CELF5: variants seen among roughly 807,000 people sequenced by gnomAD.
The protein encoded by CELF5 is CUGBP Elav-like family member 5.
In CELF5, 6 loss-of-function variants were observed where a neutral mutation model predicts 54.9. The observed-to-expected ratio is 0.11, with a 90% CI of 0.06 to 0.22. The LOEUF is 0.22. Among genes scored for constraint, CELF5 ranks in the 10% least tolerant of loss-of-function variants. The pLI is 1.00. For synonymous variants in CELF5, 271 were observed against 290.9 expected, an observed-to-expected ratio of 0.93 and a Z score of 0.70; for missense variants, 401 against 678.6, an observed-to-expected ratio of 0.59 and a Z score of 4.54.
At chr19:3,289,779 T>C (rs2080313471) in intron 10 of CELF5, among the ~76,000 whole-genome samples, 1 of 150,684 alleles carries the variant, frequency 6.6e-6, no homozygotes, top group Non-Finnish European at 1.5e-5. Context: ...GAGACATTAT[T>C]ATTATTATTA....
chr19:3,276,005 C>T, intron 4 of CELF5, 21 bp downstream of exon 4: 3 of 701,580 alleles, frequency 4.3e-6, no homozygotes, highest in East Asian at 1.2e-4. Flanking sequence ...GGGGCCGGGG[C>T]GGGACTGCGA....
intron 2 of CELF5, among the ~76,000 whole-genome samples, chr19:3,253,658 A>G (rs1464656735): frequency 2.0e-5 from 3 of 152,218 alleles, no homozygotes; most frequent in Non-Finnish European, 4.4e-5. Flanking sequence ...GAGGAACTCA[A>G]GGAACAAACC....
intron 1 of CELF5, among the ~76,000 whole-genome samples, chr19:3,249,046 AC>A (rs2079611489): frequency 6.6e-6 from 1 of 150,460 alleles, no homozygotes; most frequent in African/African-American, 2.5e-5. Flanking sequence ...CGGATTCCCT[AC>A]CCCCTCCCCA....
intron 8 of CELF5, among the ~76,000 whole-genome samples, chr19:3,283,531 G>A (rs2080185296): frequency 1.3e-5 from 2 of 151,912 alleles, no homozygotes; most frequent in South Asian, 2.1e-4. Context: ...TTAAATTTTT[G>A]TACAGACGGG....
intron 9 of CELF5, among the ~76,000 whole-genome samples, chr19:3,285,519 CT>C (rs1202644443): frequency 6.6e-6 from 1 of 150,746 alleles, no homozygotes; most frequent in Non-Finnish European, 1.5e-5. Context: ...CACTCATGCC[CT>C]TCATCCCAGT....
Position 3,278,110 on chromosome 19 carries a change from G to A in CELF5, c.603G>A (p.Pro201=), listed in dbSNP as rs375531806. Residue 201 remains proline, a splice_region_variant and synonymous_variant, in exon 5 of 13, where the codon CCG becomes CCA. Coordinates refer to ENST00000292672, the MANE Select transcript of CELF5 (RefSeq NM_021938.4). The surrounding 1 kb of genome is among the most constrained non-coding windows in gnomAD (Gnocchi z 4.5). ...CCTTGCATGGGAGCCAGACCATGCC[G>A]GTGAGTTGGAGCTGCCCTTGGCCGT... ...IHALHGSQTM[P]GASSSLVVKF... 11 of 1,607,246 alleles carry A rather than the reference G, an allele frequency of 6.8e-6. No individual in the cohort carries two copies. Among genetic ancestry groups the A allele is most frequent in the Admixed American group, 1.7e-5 (1 of 59,984 alleles).
chr19:3,235,313 C>CTT (rs369401628), intron 1 of CELF5, among the ~76,000 whole-genome samples: 2 of 148,694 alleles, frequency 1.3e-5, no homozygotes, highest in African/African-American at 4.9e-5. Context: ...TCCTCCTTTC[C>CTT]TTTTTTTTTT....
intron 5 of CELF5, among the ~76,000 whole-genome samples, chr19:3,279,687 T>TG (rs139046536): frequency 1 from 152,101 of 152,104 alleles, 76,049 homozygotes; most frequent in Middle Eastern, 1. Flanking sequence ...AATGGCCTCC[T>TG]GGCCCCTGCC....
intron 2 of CELF5, among the ~76,000 whole-genome samples, chr19:3,260,445 G>A (rs917576822): frequency 6.6e-6 from 1 of 151,026 alleles, no homozygotes; most frequent in African/African-American, 2.4e-5. Flanking sequence ...CTAAATATAT[G>A]TATGTATTTT....
At chr19:3,286,183 G>A (rs2080245707) in intron 10 of CELF5, 158 bp downstream of exon 10, 2 of 557,714 alleles carry the variant, frequency 3.6e-6, no homozygotes, top group Admixed American at 8.1e-5. Context: ...TGCAGCCGCT[G>A]ACCCCTGGGA....
At chr19:3,286,747 A>T (rs927448396) in intron 10 of CELF5, 11 of 150,660 alleles carry the variant, frequency 7.3e-5, no homozygotes, top group Non-Finnish European at 1.5e-4. Context: ...AAAAAAAAAA[A>T]AAAAAGGCCG....
chr19:3,264,426 T>C (rs1409968429), intron 2 of CELF5, among the ~76,000 whole-genome samples: 1 of 151,890 alleles, frequency 6.6e-6, no homozygotes, highest in Non-Finnish European at 1.5e-5. Flanking sequence ...TTTCTTTTTT[T>C]TTTTTAAGAG....
At chr19:3,242,722 C>A (rs1488995066) in intron 1 of CELF5, among the ~76,000 whole-genome samples, 1 of 152,046 alleles carries the variant, frequency 6.6e-6, no homozygotes, top group Non-Finnish European at 1.5e-5. Flanking sequence ...AGGAGAATCG[C>A]TTGAACTTGG....
intron 4 of CELF5, among the ~76,000 whole-genome samples, chr19:3,276,416 TG>T (rs1252665986): frequency 7.9e-6 from 1 of 126,984 alleles, no homozygotes; most frequent in East Asian, 2.4e-4. Context: ...GGTGGGGTCT[TG>T]GGTAGGGGAG....
intron 11 of CELF5, among the ~76,000 whole-genome samples, chr19:3,292,891 G>A (rs941485315): frequency 6.6e-6 from 1 of 151,976 alleles, no homozygotes; most frequent in Non-Finnish European, 1.5e-5. Flanking sequence ...GTGAGATCCT[G>A]TCCCCACTCC....
intron 2 of CELF5, among the ~76,000 whole-genome samples, chr19:3,267,306 G>A (rs11085007): frequency 0.28 from 42,220 of 151,754 alleles, 7,143 homozygotes; most frequent in East Asian, 0.76. Flanking sequence ...TCCGGTTCCC[G>A]CACAAGTGTG....
intron 5 of CELF5, among the ~76,000 whole-genome samples, chr19:3,280,080 G>A (rs2080122574): frequency 6.6e-6 from 1 of 152,192 alleles, no homozygotes; most frequent in African/African-American, 2.4e-5. Context: ...CTGGCTCACC[G>A]CTGCTTCGAC....
intron 1 of CELF5, among the ~76,000 whole-genome samples, chr19:3,242,964 AAATAAT>A (rs144976289): frequency 2.7e-5 from 4 of 149,962 alleles, no homozygotes; most frequent in South Asian, 2.1e-4. Flanking sequence ...ACTCCATCTC[AAATAAT>A]AATAATAATA....
chr19:3,285,007 C>G (rs776813781), intron 9 of CELF5, 43 bp downstream of exon 9: 1 of 1,492,584 alleles, frequency 6.7e-7, no homozygotes, highest in Non-Finnish European at 9.2e-7. Flanking sequence ...CTGGCCCCGC[C>G]CCCGCCTAGG....
Sources: gnomAD v4.1 joint callset for allele counts (sites outside exome capture counted in the v4.1 genomes callset) on GRCh38, gnomAD v4.1.1 for gene constraint, Gnocchi (gnomAD v3.1) non-coding constraint, MANE v1.5 for transcripts, NCBI Gene and HGNC (gene_info 2026-07-23, HGNC 2026-07-21) for gene names.